TBC1D19: variants seen among roughly 807,000 people sequenced by gnomAD.
The protein encoded by TBC1D19 is TBC1 domain family, member 19.
In TBC1D19, 60 loss-of-function variants were observed where a neutral mutation model predicts 89.0. The ratio of observed to expected loss-of-function variants is 0.67; its 90% CI spans 0.55 to 0.84. The LOEUF is 0.84. TBC1D19 is among the 40% of genes least tolerant of loss of function. TBC1D19 has a pLI of 0.00. For synonymous variants in TBC1D19, 189 were observed against 199.7 expected (o/e 0.95, Z 0.45); for missense variants, 500 against 610.8 (o/e 0.82, Z 1.91).
intron 13 of TBC1D19, among the ~76,000 whole-genome samples, chr4:26,707,531 G>A (rs1715833337): frequency 6.6e-6 from 1 of 151,978 alleles, no homozygotes; most frequent in Admixed American, 6.6e-5. Flanking sequence ...TACATTTAAA[G>A]TAATTGCTGA....
the TBC1D19 span, among the ~76,000 whole-genome samples, chr4:26,789,056 T>C: frequency 6.6e-6 from 1 of 152,256 alleles, no homozygotes; most frequent in Non-Finnish European, 1.5e-5. Context: ...CCTTAGTGTA[T>C]CTTCAACATA....
At chr4:26,754,835 G>A (rs774929362) in intron 20 of TBC1D19, 38 bp from the exon 21 acceptor site, 12 of 1,495,222 alleles carry the variant, frequency 8.0e-6, no homozygotes, top group East Asian at 2.4e-5. Flanking sequence ...CATAGACTTC[G>A]CTTTGCTATT....
At chr4:26,631,997 T>G (rs536769466) in intron 4 of TBC1D19, among the ~76,000 whole-genome samples, 1 of 152,278 alleles carries the variant, frequency 6.6e-6, no homozygotes, top group South Asian at 2.1e-4. Context: ...AGAACTGTGA[T>G]TCATCACTTT....
chr4:26,599,904 C>T (rs1320517025), intron 1 of TBC1D19, among the ~76,000 whole-genome samples: 5 of 137,398 alleles, frequency 3.6e-5, no homozygotes, highest in Admixed American at 8.1e-5. Context: ...GCTGAGATCG[C>T]GCCACTGCAC....
chr4:26,771,457 G>T, the TBC1D19 span, among the ~76,000 whole-genome samples: 2 of 152,072 alleles, frequency 1.3e-5, no homozygotes, highest in South Asian at 4.2e-4. Context: ...AAAGAAAGGT[G>T]GTATATACAT....
chr4:26,666,499 A>G (rs777906255), intron 9 of TBC1D19, 94 bp downstream of exon 9: 3 of 1,034,878 alleles, frequency 2.9e-6, no homozygotes, highest in Non-Finnish European at 4.2e-6. Context: ...CAATTTTTTT[A>G]TATCTGAAAA....
upstream of TBC1D19, among the ~76,000 whole-genome samples, chr4:26,581,128 G>T (rs1480121525): frequency 6.6e-6 from 1 of 152,088 alleles, no homozygotes; most frequent in Non-Finnish European, 1.5e-5. Context: ...CTATTCATCT[G>T]TTAGTCACTC....
intron 4 of TBC1D19, among the ~76,000 whole-genome samples, chr4:26,626,321 G>A (rs1383635979): frequency 2.6e-5 from 4 of 152,038 alleles, no homozygotes; most frequent in Non-Finnish European, 4.4e-5. Context: ...ACTTTGCTAC[G>A]CCCTTCAGTG....
rs185679008 is a variant in TBC1D19 at position 26,598,711 on chromosome 4, A to G, written c.99+14419A>G. On this transcript the variant is annotated intron_variant, in intron 1 of 20. Coordinates refer to ENST00000264866, the MANE Select transcript of TBC1D19 (RefSeq NM_018317.4). ...GCCCGGCCCTAAATATACTTCTGTC[A>G]ATTTAGTATCACATGAGTTCAAGTC... Among the ~76,000 whole-genome samples the G allele has an allele frequency of 4.8e-3, 727 of 152,196 alleles. 2 individuals carry two copies. The highest frequency in any genetic ancestry group is 0.017 in the Middle Eastern group (5 of 294).
chr4:26,808,100 T>C, the TBC1D19 span, among the ~76,000 whole-genome samples: 1 of 152,254 alleles, frequency 6.6e-6, no homozygotes, highest in South Asian at 2.1e-4. Flanking sequence ...GACATCGTCA[T>C]GCCGTCATTG....
At chr4:26,630,918 A>T (rs1414177964) in intron 4 of TBC1D19, among the ~76,000 whole-genome samples, 1 of 152,032 alleles carries the variant, frequency 6.6e-6, no homozygotes, top group African/African-American at 2.4e-5. Flanking sequence ...GGAAACCTAA[A>T]GGATGGCCAA....
At chr4:26,668,287 C>T (rs140771447) in intron 9 of TBC1D19, among the ~76,000 whole-genome samples, 1 of 151,868 alleles carries the variant, frequency 6.6e-6, no homozygotes. Context: ...TTGAAATAAT[C>T]TTTGAGTTAT....
At chr4:26,689,348 G>T (rs1261876849) in intron 13 of TBC1D19, among the ~76,000 whole-genome samples, 2 of 151,958 alleles carry the variant, frequency 1.3e-5, no homozygotes, top group Non-Finnish European at 2.9e-5. Flanking sequence ...TTAATTAAAA[G>T]TTGGAGAATA....
chr4:26,614,812 G>A (rs979062441), intron 3 of TBC1D19, among the ~76,000 whole-genome samples: 19 of 151,952 alleles, frequency 1.3e-4, no homozygotes, highest in African/African-American at 4.4e-4. Flanking sequence ...CAAGTTGCTG[G>A]GATTACAGGC....
intron 16 of TBC1D19, among the ~76,000 whole-genome samples, chr4:26,736,180 G>T (rs1168106073): frequency 3.3e-5 from 3 of 91,976 alleles, no homozygotes; most frequent in African/African-American, 9.6e-5. Context: ...TTAAGAAAAT[G>T]TGGCACATAT....
At position 26,577,422 on chromosome 4, in the gene TBC1D19, T is replaced by C. The variant is rs549590742; in HGVS notation, c.6+625T>C. 4.6e-5 allele frequency among the ~76,000 whole-genome samples: 7 copies of C among 152,306 alleles called. No individual in the cohort carries two copies. In the East Asian group the frequency reaches 1.3e-3, roughly 29 times the overall value. The stretch of plus-strand genomic sequence containing the variant: ...CAGTGCAAGGCTTGGAGGACTCTGC[T>C]GGTCTGGAAAGTCATGCTTAAAGTT... On this transcript the variant is annotated intron_variant, in intron 1 of 12. Transcript: ENST00000512840.
chr4:26,745,588 A>G (rs1185797044), intron 18 of TBC1D19, among the ~76,000 whole-genome samples: 1 of 134,556 alleles, frequency 7.4e-6, no homozygotes, highest in Non-Finnish European at 1.5e-5. Context: ...GCTCACTGCA[A>G]CCTCACCTCC....
chr4:26,748,596 C>A, intron 19 of TBC1D19, 70 bp downstream of exon 19: 1 of 1,102,332 alleles, frequency 9.1e-7, no homozygotes, highest in African/African-American at 1.6e-5. Flanking sequence ...TCCTAACATT[C>A]ACCATCCGTA....
chr4:26,758,447 G>A (rs76532497), downstream of TBC1D19, among the ~76,000 whole-genome samples: 2,112 of 152,220 alleles, frequency 0.014, 52 homozygotes, highest in African/African-American at 0.048. Flanking sequence ...ATGTGCATCA[G>A]GTGAGGCTGA....
Sources: gnomAD v4.1 joint callset for allele counts (sites outside exome capture counted in the v4.1 genomes callset) on GRCh38, gnomAD v4.1.1 for gene constraint, MANE v1.5 for transcripts, NCBI Gene and HGNC (gene_info 2026-07-23, HGNC 2026-07-21) for gene names.